IPO9: variants seen among roughly 807,000 people sequenced by gnomAD.
The protein encoded by IPO9 is importin-9.
In IPO9, 28 loss-of-function variants were observed where a neutral mutation model predicts 128.6. That is an observed-to-expected ratio of 0.22 (90% CI 0.16 to 0.30). The LOEUF (loss-of-function observed/expected upper bound fraction) is 0.30, where lower values mean the gene tolerates loss of function less well. IPO9 is among the 10% of genes least tolerant of loss of function. IPO9 has a pLI of 1.00. For missense variants in IPO9, 935 were observed against 1,293.9 expected (o/e 0.72, Z 4.26); for synonymous variants, 455 against 475.8 (o/e 0.96, Z 0.57).
chr1:201,872,633 A>AAC (rs1680676600), intron 19 of IPO9, among the ~76,000 whole-genome samples, 195 bp from the exon 20 acceptor site: 5 of 147,954 alleles, frequency 3.4e-5, no homozygotes, highest in Admixed American at 2.7e-4. Context: ...ACAACAACAA[A>AAC]AAAGCACAGA....
At position 201,882,591 on chromosome 1, in the gene IPO9, A is replaced by G. The variant is rs1680909263; in HGVS notation, c.*6537A>G. ...GTGGCATTACTGCTGGCTTCCTAAA[A>G]TTGAAAAGTATACTAGGGTTTTTAA... On this transcript the variant is annotated 3_prime_UTR_variant, in exon 24 of 24. Coordinates refer to ENST00000361565, the MANE Select transcript of IPO9 (RefSeq NM_018085.5). 6.6e-6 allele frequency: 1 copy of G among 152,142 alleles called. No individual in the cohort carries two copies. The highest frequency in any genetic ancestry group is 1.5e-5 in the Non-Finnish European group (1 of 68,030). 9.4% of individuals were successfully genotyped at this position (152,142 alleles called of 1,614,324 possible). A position where few individuals can be genotyped will look rare whatever the true frequency, so the allele number is the denominator to read the frequency against.
Position 201,870,729 on chromosome 1 carries a change from G to A in IPO9, c.2280G>A (p.Ala760=), listed in dbSNP as rs746202446. ...LLDPRTSEFT[A]AFVGRLVSTL... ...ACCCCCGCACCTCAGAGTTCACTGC[G>A]GCCTTTGTGGGCCGCCTTGTTTCCA... Residue 760 remains alanine (A), a synonymous_variant, in exon 18 of 24, where the codon GCG becomes GCA. Coordinates refer to ENST00000361565, the MANE Select transcript of IPO9 (RefSeq NM_018085.5). This position sits in a 1 kb window ranked among gnomAD's most constrained non-coding sequence, Gnocchi z 4.9. 2.3e-5 allele frequency: 37 copies of A among 1,614,068 alleles called. No individual in the cohort carries two copies. Among genetic ancestry groups the A allele is most frequent in the Non-Finnish European group, 2.5e-5 (30 of 1,180,034 alleles).
chr1:201,876,365 C>T lies in IPO9; in HGVS notation c.*311C>T, dbSNP rs1181851923. 2.1e-5 allele frequency: 10 copies of T among 469,512 alleles called. No individual in the cohort carries two copies. In the East Asian group the frequency reaches 4.3e-4, roughly 20 times the overall value. The allele number at this position is 469,512 out of a possible 1,614,324, so 29.1% of individuals were successfully genotyped here. A position where few individuals can be genotyped will look rare whatever the true frequency, so the allele number is the denominator to read the frequency against. On this transcript the variant is annotated 3_prime_UTR_variant, in exon 24 of 24. Transcript: ENST00000361565. Reference sequence around the variant, plus strand: ...CTGGCGAGTCCAGAAACATTATTGCCCAGAAGGATTATGTGTTTATGGATT... The same window carrying T: ...CTGGCGAGTCCAGAAACATTATTGCTCAGAAGGATTATGTGTTTATGGATT...
chr1:201,869,305 T>A (rs989459965), intron 16 of IPO9, among the ~76,000 whole-genome samples: 2 of 152,162 alleles, frequency 1.3e-5, no homozygotes, highest in Admixed American at 6.5e-5. Context: ...CCTCAGTGAA[T>A]TGAACAGAGT....
At chr1:201,858,700 C>G in intron 12 of IPO9, 147 bp downstream of exon 12, 2 of 832,772 alleles carry the variant, frequency 2.4e-6, no homozygotes, top group Non-Finnish European at 3.6e-6. Flanking sequence ...AAATTTCACT[C>G]TTTTCAGCTA....
chr1:201,866,717 A>AGTTATTTTAATAAT lies in IPO9; in HGVS notation c.1629-16_1629-15insGTTATTTTAATAAT. 1.3e-6 allele frequency: 2 copies of AGTTATTTTAATAAT among 1,584,082 alleles called. No individual in the cohort carries two copies. Among genetic ancestry groups the AGTTATTTTAATAAT allele is most frequent in the South Asian group, 2.2e-5 (2 of 90,332 alleles). ...GAATTTTTTTTAATAATTCTTGCTT[A>AGTTATTTTAATAAT]TCTATCTCTCTCTAGTTATTGTGAC... On this transcript the variant is annotated splice_polypyrimidine_tract_variant and intron_variant, in intron 14 of 23. Coordinates refer to ENST00000361565, the MANE Select transcript of IPO9 (RefSeq NM_018085.5).
chr1:201,837,330 C>G (rs1252617938), intron 1 of IPO9, among the ~76,000 whole-genome samples: 2 of 152,164 alleles, frequency 1.3e-5, no homozygotes, highest in African/African-American at 2.4e-5. Context: ...CTAAGCTTTT[C>G]TCTGAAGAGA....
At chr1:201,868,166 T>C (rs1284798404) in intron 15 of IPO9, among the ~76,000 whole-genome samples, 1 of 152,212 alleles carries the variant, frequency 6.6e-6, no homozygotes, top group Admixed American at 6.5e-5. Flanking sequence ...AGTTTTGCCT[T>C]TTGCCCCAGA....
rs986219125 is a variant in IPO9 at position 201,881,205 on chromosome 1, A to G, written c.*5151A>G. ...AACCCTTGAACACTTGCAAGGAGCTAACAATACCTGCTTCTGGAGTATTTA... is the reference window on the plus strand; with the variant it reads ...AACCCTTGAACACTTGCAAGGAGCTGACAATACCTGCTTCTGGAGTATTTA... On this transcript the variant is annotated 3_prime_UTR_variant, in exon 24 of 24. Transcript: ENST00000361565. 1 of 152,232 alleles carries G rather than the reference A, an allele frequency of 6.6e-6. No homozygotes were observed. The highest frequency in any genetic ancestry group is 6.5e-5 in the Admixed American group (1 of 15,286). The allele number at this position is 152,232 out of a possible 1,614,324, so 9.4% of individuals were successfully genotyped here.
At chr1:201,847,746 A>C in intron 3 of IPO9, 108 bp downstream of exon 3, 1 of 786,426 alleles carries the variant, frequency 1.3e-6, no homozygotes, top group Non-Finnish European at 2.2e-6. Flanking sequence ...GACTAGGCAG[A>C]AAAGGAGATT....
chr1:201,858,943 G>A lies in IPO9; in HGVS notation c.1417G>A (p.Asp473Asn), dbSNP rs1205822424. The A allele has an allele frequency of 1.9e-6, 3 of 1,612,632 alleles. No homozygotes were observed. The highest frequency in any genetic ancestry group is 2.5e-6 in the Non-Finnish European group (3 of 1,178,972). The change falls in exon 13 of 24, where the codon GAC becomes AAC. Residue 473 changes from aspartate (D) to asparagine (N), a missense_variant. Transcript: ENST00000361565. The part of the protein sequence containing the change: ...DSVKNGRIHF[D>N]MHGFLTNVIL... ...TGTGAAAAATGGCAGGATTCATTTT[G>A]ACATGCATGGGTTCCTGACCAATGT...
intron 14 of IPO9, among the ~76,000 whole-genome samples, chr1:201,865,043 A>AAAT: frequency 6.6e-6 from 1 of 152,146 alleles, no homozygotes; most frequent in African/African-American, 2.4e-5. Flanking sequence ...GGATTCCTTG[A>AAAT]AGCCTATCTG....
At chr1:201,869,864 G>A (rs1680617119) in intron 17 of IPO9, 146 bp downstream of exon 17, 1 of 1,057,682 alleles carries the variant, frequency 9.5e-7, no homozygotes, top group Middle Eastern at 2.5e-4. Flanking sequence ...GAAGGGTTCA[G>A]TCTGCAAAAG....
At position 201,855,181 on chromosome 1, in the gene IPO9, T is replaced by C. The variant is rs771076197; in HGVS notation, c.969T>C (p.Asp323=). ...AAGTAGAAGATCCTGTGGATTCTGA[T>C]GGTATGTAGTTTATTTGATCTTTAT... The part of the protein sequence containing the change: ...TEEVEDPVDS[D]GEVLGFENLV... The change falls in exon 9 of 24, where the codon GAT becomes GAC. Residue 323 remains aspartate, a splice_region_variant and synonymous_variant. Coordinates refer to ENST00000361565, the MANE Select transcript of IPO9 (RefSeq NM_018085.5). 2 of 1,582,340 alleles carry C rather than the reference T, an allele frequency of 1.3e-6. No individual in the cohort carries two copies. Among genetic ancestry groups the C allele is most frequent in the East Asian group, 4.5e-5 (2 of 44,700 alleles).
intron 1 of IPO9, among the ~76,000 whole-genome samples, chr1:201,841,367 G>A (rs1680032823): frequency 6.6e-6 from 1 of 152,180 alleles, no homozygotes; most frequent in African/African-American, 2.4e-5. Flanking sequence ...TATAGATGAT[G>A]AGAGCCAAGT....
intron 13 of IPO9, among the ~76,000 whole-genome samples, chr1:201,862,184 G>A (rs1680462011): frequency 6.6e-6 from 1 of 152,120 alleles, no homozygotes; most frequent in African/African-American, 2.4e-5. Flanking sequence ...AAGGCTGCAC[G>A]CGGTGGCTCA....
At position 201,879,311 on chromosome 1, in the gene IPO9, C is replaced by A. The variant is rs1184289758; in HGVS notation, c.*3257C>A. 2.6e-5 allele frequency: 4 copies of A among 152,158 alleles called. No homozygotes were observed. Among genetic ancestry groups the A allele is most frequent in the African/African-American group, 7.2e-5 (3 of 41,426 alleles). 9.4% of individuals were successfully genotyped at this position (152,158 alleles called of 1,614,324 possible). ...TAATTTTGTTAACTAGGTAAATAAT[C>A]TGGACATTTTAGTCAAAGCATTAGA... On this transcript the variant is annotated 3_prime_UTR_variant, in exon 24 of 24. Coordinates refer to ENST00000361565, the MANE Select transcript of IPO9 (RefSeq NM_018085.5).
chr1:201,883,182 C>CCA lies in IPO9; in HGVS notation c.*7128_*7129insCA, dbSNP rs1553293526. On this transcript the variant is annotated 3_prime_UTR_variant, in exon 24 of 24. Coordinates refer to ENST00000361565, the MANE Select transcript of IPO9 (RefSeq NM_018085.5). ...TGCTTTCACTAGATTCCCCCCCCCC[C>CCA]AACAACTTAGTCCAAGAACATACCT... 13 of 147,294 alleles carry CCA rather than the reference C, an allele frequency of 8.8e-5. No homozygotes were observed. The highest frequency in any genetic ancestry group is 3.3e-4 in the African/African-American group (13 of 39,844). 9.1% of individuals were successfully genotyped at this position (147,294 alleles called of 1,614,324 possible).
intron 19 of IPO9, 108 bp from the exon 20 acceptor site, chr1:201,872,720 C>T (rs925293844): frequency 1.1e-5 from 14 of 1,286,164 alleles, no homozygotes; most frequent in African/African-American, 4.5e-5. Context: ...TAGTTGTTAA[C>T]GGAATTTTCA....
Sources: gnomAD v4.1 joint callset for allele counts (sites outside exome capture counted in the v4.1 genomes callset) on GRCh38, gnomAD v4.1.1 for gene constraint, Gnocchi (gnomAD v3.1) non-coding constraint, MANE v1.5 for transcripts, NCBI Gene and HGNC (gene_info 2026-07-23, HGNC 2026-07-21) for gene names.